C4orf51: variants seen among roughly 807,000 people sequenced by gnomAD.
C4orf51 encodes chromosome 4 open reading frame 51, also known as uncharacterized protein C4orf51.
Under a neutral mutation model 25.2 loss-of-function variants are expected in C4orf51, and 25 were observed. That is an observed-to-expected ratio of 0.99 (90% CI 0.72 to 1.39). The LOEUF (loss-of-function observed/expected upper bound fraction) is 1.39, where lower values mean the gene tolerates loss of function less well. C4orf51 is among the 40% of genes most tolerant of loss of function. The pLI is 0.00. For synonymous variants in C4orf51, 100 were observed against 84.5 expected, an observed-to-expected ratio of 1.18 and a Z score of -1.01; for missense variants, 252 against 239.6, an observed-to-expected ratio of 1.05 and a Z score of -0.34.
intron 2 of C4orf51, among the ~76,000 whole-genome samples, chr4:145,715,066 G>A (rs1731332137): frequency 6.6e-6 from 1 of 152,236 alleles, no homozygotes; most frequent in African/African-American, 2.4e-5. Context: ...GCCATCTGCA[G>A]AGGCTTGTAC....
At chr4:145,774,343 G>GCC (rs1210673526), downstream of C4orf51, among the ~76,000 whole-genome samples, 1 of 152,160 alleles carries the variant, frequency 6.6e-6, no homozygotes, top group Admixed American at 6.5e-5. Context: ...ACAGTATTAT[G>GCC]ACTACAGGGA....
At chr4:145,790,961 G>T in the C4orf51 span, among the ~76,000 whole-genome samples, 2 of 152,196 alleles carry the variant, frequency 1.3e-5, no homozygotes, top group South Asian at 2.1e-4. Context: ...CCTTCATCCA[G>T]AAATCCTACC....
At position 145,724,823 on chromosome 4, in the gene C4orf51, G is replaced by T. The variant is rs564119316; in HGVS notation, c.308-2088G>T. ...CCCTTGAGCCTGGAAGTTGGAGGTT[G>T]CAGTGAGCCATGATCATGCACTGCA... On this transcript the variant is annotated intron_variant, in intron 2 of 5. Coordinates refer to ENST00000438731, the MANE Select transcript of C4orf51 (RefSeq NM_001080531.3). 2.1e-5 allele frequency among the ~76,000 whole-genome samples: 3 copies of T among 143,446 alleles called. No homozygotes were observed. The South Asian group carries it at 6.5e-4, about 31-fold the overall frequency. The allele number at this position is 143,446 out of a possible 152,430, so 94.1% of individuals were successfully genotyped here.
chr4:145,791,239 C>G, the C4orf51 span, among the ~76,000 whole-genome samples: 3 of 152,202 alleles, frequency 2.0e-5, no homozygotes, highest in African/African-American at 7.2e-5. Context: ...AGACAGCCAT[C>G]TTTCTCACTC....
At chr4:145,736,144 C>A (rs1231684532), downstream of C4orf51, among the ~76,000 whole-genome samples, 1 of 151,884 alleles carries the variant, frequency 6.6e-6, no homozygotes, top group African/African-American at 2.4e-5. Flanking sequence ...GGCTTGAACA[C>A]GTGCTGTAGA....
Position 145,766,971 on chromosome 4 carries a change from G to T in C4orf51, n.167-4017G>T, listed in dbSNP as rs75556620. ...TAGCTATCTGCATCCTAAAACAAAG[G>T]TCAAGAGTATGTATAGGAATATAAA... On this transcript the variant is annotated intron_variant and non_coding_transcript_variant, in intron 1 of 1. Coordinates refer to the C4orf51 transcript ENST00000510096. Among the ~76,000 whole-genome samples the T allele has an allele frequency of 9.2e-3, 1,396 of 152,218 alleles. 23 individuals are homozygous for T. Among genetic ancestry groups the T allele is most frequent in the African/African-American group, 0.032 (1,333 of 41,518 alleles).
At chr4:145,752,724 A>T (rs1420838387) in intron 1 of C4orf51, among the ~76,000 whole-genome samples, 1 of 152,164 alleles carries the variant, frequency 6.6e-6, no homozygotes, top group East Asian at 1.9e-4. Flanking sequence ...AAGACTTGCC[A>T]TTCTTGTGGC....
intron 2 of C4orf51, among the ~76,000 whole-genome samples, chr4:145,711,317 C>T (rs1731114895): frequency 6.6e-6 from 1 of 152,194 alleles, no homozygotes; most frequent in Admixed American, 6.5e-5. Flanking sequence ...TCTTACTACC[C>T]TGCTACCTGC....
intron 2 of C4orf51, among the ~76,000 whole-genome samples, chr4:145,708,410 G>T (rs567690777): frequency 5.9e-5 from 9 of 152,210 alleles, no homozygotes; most frequent in Non-Finnish European, 5.9e-5. Flanking sequence ...GGCATGTCCT[G>T]TGGTATCGAG....
chr4:145,775,312 T>C (rs1736887535), downstream of C4orf51, among the ~76,000 whole-genome samples: 1 of 152,152 alleles, frequency 6.6e-6, no homozygotes, highest in African/African-American at 2.4e-5. Flanking sequence ...TGATTCATGA[T>C]TGAATACAGA....
At chr4:145,787,332 G>A in the C4orf51 span, among the ~76,000 whole-genome samples, 3 of 151,890 alleles carry the variant, frequency 2.0e-5, no homozygotes, top group East Asian at 1.9e-4. Flanking sequence ...GCGTGGTGGC[G>A]CGCGCCTGTA....
chr4:145,696,327 G>A (rs557546629), intron 1 of C4orf51, among the ~76,000 whole-genome samples: 1 of 152,248 alleles, frequency 6.6e-6, no homozygotes, highest in South Asian at 2.1e-4. Context: ...AGGGAGAGGA[G>A]CAGAACAAAA....
At chr4:145,771,717 T>C (rs1340663069), downstream of C4orf51, among the ~76,000 whole-genome samples, 1 of 152,038 alleles carries the variant, frequency 6.6e-6, no homozygotes, top group African/African-American at 2.4e-5. Flanking sequence ...CACCAACCCA[T>C]AAGAAAATGT....
At chr4:145,783,764 T>C in the C4orf51 span, among the ~76,000 whole-genome samples, 2 of 152,206 alleles carry the variant, frequency 1.3e-5, no homozygotes, top group Non-Finnish European at 2.9e-5. Flanking sequence ...TTTGTGAATA[T>C]AAGGCATGAA....
At chr4:145,742,143 A>G (rs1733134255) in intron 1 of C4orf51, among the ~76,000 whole-genome samples, 1 of 152,196 alleles carries the variant, frequency 6.6e-6, no homozygotes, top group Non-Finnish European at 1.5e-5. Context: ...CTGCATCCTT[A>G]AAGATCACCA....
chr4:145,749,531 G>A (rs1255914552), intron 1 of C4orf51, among the ~76,000 whole-genome samples: 1 of 151,872 alleles, frequency 6.6e-6, no homozygotes, highest in Non-Finnish European at 1.5e-5. Flanking sequence ...TTTTTCACTG[G>A]TGATATGATT....
At chr4:145,692,336 T>C (rs1028015292) in intron 1 of C4orf51, among the ~76,000 whole-genome samples, 1 of 152,196 alleles carries the variant, frequency 6.6e-6, no homozygotes, top group Admixed American at 6.5e-5. Flanking sequence ...ATTCTGTTTA[T>C]ATAAAATTCA....
At chr4:145,729,050 C>A in intron 3 of C4orf51, 119 bp from the exon 4 acceptor site, 2 of 702,874 alleles carry the variant, frequency 2.8e-6, no homozygotes, top group Non-Finnish European at 5.0e-6. Context: ...CTTTTGACAG[C>A]AGTATCAGTG....
At position 145,763,850 on chromosome 4, in the gene C4orf51, C is replaced by T. The variant is rs1734874455; in HGVS notation, n.167-7138C>T. ...ATCACCCCCTCCCCAATCCCTTCTG[C>T]CCTCCCCTCCCCCTCCCCCAAGAGT... On this transcript the variant is annotated intron_variant and non_coding_transcript_variant, in intron 1 of 1. Coordinates refer to the C4orf51 transcript ENST00000510096. This position sits in a 1 kb window ranked among gnomAD's most constrained non-coding sequence, Gnocchi z 4.6. 6.6e-6 allele frequency among the ~76,000 whole-genome samples: 1 copy of T among 152,082 alleles called. No individual in the cohort carries two copies. The highest frequency in any genetic ancestry group is 1.5e-5 in the Non-Finnish European group (1 of 68,018).
Sources: gnomAD v4.1 joint callset for allele counts (sites outside exome capture counted in the v4.1 genomes callset) on GRCh38, gnomAD v4.1.1 for gene constraint, Gnocchi (gnomAD v3.1) non-coding constraint, MANE v1.5 for transcripts, NCBI Gene and HGNC (gene_info 2026-07-23, HGNC 2026-07-21) for gene names.